The following ZBP1 variants were observed in gnomAD, a reference collection of about 807,000 sequenced individuals.
ZBP1 encodes the protein Z-DNA-binding protein 1.
Under a neutral mutation model 41.1 loss-of-function variants are expected in ZBP1, and 42 were observed. That is an observed-to-expected ratio of 1.02 (90% CI 0.80 to 1.32). The LOEUF (loss-of-function observed/expected upper bound fraction) is 1.32, where lower values mean the gene tolerates loss of function less well. Ranked by LOEUF, ZBP1 falls within the 40% of genes most tolerant of loss-of-function variation. ZBP1 has a pLI of 0.00. For missense variants in ZBP1, 562 were observed against 549.7 expected (o/e 1.02, Z -0.22); for synonymous variants, 214 against 205.2 (o/e 1.04, Z -0.37).
rs556956370 is a variant in ZBP1, at chr20:57,610,009, T to C, written c.1093+140A>G. 1 of 938,278 alleles carries C rather than the reference T, an allele frequency of 1.1e-6. No individual in the cohort carries two copies. The highest frequency in any genetic ancestry group is 1.6e-6 in the Non-Finnish European group (1 of 617,100). The allele number at this position is 938,278 out of a possible 1,614,324, so 58.1% of individuals were successfully genotyped here. ...TCCACGCTGACTCTAGAGCTGCTGCTCCTCGCTGTGGGTGGGCACAGCCTC... is the reference window on the plus strand; with the variant it reads ...TCCACGCTGACTCTAGAGCTGCTGCCCCTCGCTGTGGGTGGGCACAGCCTC... On this transcript the variant is annotated intron_variant, in intron 7 of 7. Coordinates refer to ENST00000371173, the MANE Select transcript of ZBP1 (RefSeq NM_030776.3). This position sits in a 1 kb window ranked among gnomAD's most constrained non-coding sequence, Gnocchi z 5.5.
In ZBP1 at chr20:57,604,305, G is replaced by A. The variant is rs142921547; in HGVS notation, c.*268C>T. On this transcript the variant is annotated 3_prime_UTR_variant, in exon 8 of 8. Transcript: ENST00000371173. ...TGGAGAGAGTCCCCTGGGCCTGGGG[G>A]ACCGAGCCCCACTCCCATCTACCCA... 2.0e-5 allele frequency: 12 copies of A among 611,968 alleles called. No individual in the cohort carries two copies. Among genetic ancestry groups the A allele is most frequent in the Non-Finnish European group, 3.1e-5 (10 of 327,672 alleles). The allele number at this position is 611,968 out of a possible 1,614,324, so 37.9% of individuals were successfully genotyped here.
Position 57,610,430 on chromosome 20 carries a change from A to AC in ZBP1, c.875-64dup. On this transcript the variant is annotated intron_variant, in intron 6 of 7. Transcript: ENST00000371173. This position sits in a 1 kb window ranked among gnomAD's most constrained non-coding sequence, Gnocchi z 5.5. The stretch of plus-strand genomic sequence containing the variant: ...AGCTGGACAGTGGCCGGGAACCCTG[A>AC]CCCCCAGCCTGGTTCACCCTCCTCC... 1 of 1,546,186 alleles carries AC rather than the reference A, an allele frequency of 6.5e-7. No individual in the cohort carries two copies. The highest frequency in any genetic ancestry group is 2.3e-5 in the East Asian group (1 of 43,544).
In ZBP1 at chr20:57,614,953, T is replaced by G; in HGVS notation, c.436A>C (p.Arg146=). The G allele has an allele frequency of 6.2e-7, 1 of 1,614,238 alleles. No individual in the cohort carries two copies. Among genetic ancestry groups the G allele is most frequent in the Non-Finnish European group, 8.5e-7 (1 of 1,180,044 alleles). Reference sequence around the variant, plus strand: ...TCCAGAAGGTGCCTGCTCTTCATCCTGTACAAGTCTCGGTTCACATCTTTT... The same window carrying G: ...TCCAGAAGGTGCCTGCTCTTCATCCGGTACAAGTCTCGGTTCACATCTTTT... ...TAKDVNRDLY[R]MKSRHLLDMD... The change falls in exon 4 of 8, where the codon AGG becomes CGG. Residue 146 remains arginine, a synonymous_variant. Coordinates refer to ENST00000371173, the MANE Select transcript of ZBP1 (RefSeq NM_030776.3).
chr20:57,607,823 T>C lies in ZBP1; in HGVS notation c.1093+2326A>G, dbSNP rs113735656. ...GGTTAGCATTTTTAGCAATAAAGTA[T>C]TTTAAAATTAAGGTATGTACATTGT... On this transcript the variant is annotated intron_variant, in intron 7 of 7. Coordinates refer to ENST00000371173, the MANE Select transcript of ZBP1 (RefSeq NM_030776.3). Among the ~76,000 whole-genome samples the C allele has an allele frequency of 2.6e-5, 4 of 152,304 alleles. 1 individual carries two copies. Among genetic ancestry groups the C allele is most frequent in the African/African-American group, 9.6e-5 (4 of 41,562 alleles).
chr20:57,608,126 C>CTT (rs2070542144), intron 7 of ZBP1, among the ~76,000 whole-genome samples: 2 of 130,180 alleles, frequency 1.5e-5, no homozygotes, highest in South Asian at 2.6e-4. Flanking sequence ...GGAGTGTGAC[C>CTT]ATTTTTTTTT....
chr20:57,614,199 T>C (rs947352396), intron 4 of ZBP1, among the ~76,000 whole-genome samples: 1 of 151,960 alleles, frequency 6.6e-6, no homozygotes, highest in Non-Finnish European at 1.5e-5. Context: ...CACACCTGGC[T>C]AATTTTTGTA....
rs367917872 is a variant in ZBP1, at chr20:57,610,397, C to T, written c.875-30G>A. 2 of 1,611,726 alleles carry T rather than the reference C, an allele frequency of 1.2e-6. No individual in the cohort carries two copies. The highest frequency in any genetic ancestry group is 1.3e-5 in the African/African-American group (1 of 74,972). ...GGGTCAAAGGGAGAGAGGCCTGGAG[C>T]CAGGAGCAGCTGGACAGTGGCCGGG... On this transcript the variant is annotated intron_variant, in intron 6 of 7. Transcript: ENST00000371173. This position sits in a 1 kb window ranked among gnomAD's most constrained non-coding sequence, Gnocchi z 5.5.
Position 57,616,372 on chromosome 20 carries a change from T to A in ZBP1, c.131A>T (p.Glu44Val). 6.2e-7 allele frequency: 1 copy of A among 1,614,132 alleles called. No homozygotes were observed. The highest frequency in any genetic ancestry group is 8.5e-7 in the Non-Finnish European group (1 of 1,180,004). Residue 44 changes from glutamate to valine, a missense_variant, in exon 2 of 8, where the codon GAG becomes GTG. Transcript: ENST00000371173. ...LVKECQAPKRELNQVLYRMKK... is the reference protein window; with the variant it reads ...LVKECQAPKRVLNQVLYRMKK... ...CATTCGGTAGAGGACTTGGTTGAGC[T>A]CCCTCTTGGGTGCTTGGCATTCCTT... is the stretch of plus-strand genomic sequence containing the variant.
intron 3 of ZBP1, 61 bp from the exon 4 acceptor site, chr20:57,615,121 G>A (rs772888535): frequency 1.4e-5 from 22 of 1,573,304 alleles, no homozygotes; most frequent in Non-Finnish European, 1.9e-5. Context: ...CTGCCCCACC[G>A]CTTCCTAGCT....
At position 57,610,529 on chromosome 20, in the gene ZBP1, A is replaced by ACAC. The variant is rs2070633844; in HGVS notation, c.875-165_875-163dup. On this transcript the variant is annotated intron_variant, in intron 6 of 7. Coordinates refer to ENST00000371173, the MANE Select transcript of ZBP1 (RefSeq NM_030776.3). The surrounding 1 kb of genome is among the most constrained non-coding windows in gnomAD (Gnocchi z 5.5). ...CCTGCCCGCCACACCTCCACCCGCC[A>ACAC]CACCTCCGCTCGTGCTGTTGTGCTG... 1.5e-6 allele frequency: 1 copy of ACAC among 674,126 alleles called. No individual in the cohort carries two copies. Among genetic ancestry groups the ACAC allele is most frequent in the Non-Finnish European group, 2.5e-6 (1 of 393,688 alleles). 41.8% of individuals were successfully genotyped at this position (674,126 alleles called of 1,614,324 possible).
In ZBP1 at chr20:57,613,186, C is replaced by G; in HGVS notation, c.647G>C (p.Arg216Thr). 6.2e-7 allele frequency: 1 copy of G among 1,614,194 alleles called. No homozygotes were observed. The highest frequency in any genetic ancestry group is 8.5e-7 in the Non-Finnish European group (1 of 1,180,038). Residue 216 changes from arginine to threonine, a missense_variant, in exon 5 of 8, where the codon AGA becomes ACA. Transcript: ENST00000371173. The surrounding 1 kb of genome is among the most constrained non-coding windows in gnomAD (Gnocchi z 4.5). ...IQIGHGNIIT[R>T]QTVSREDGSA... ...ACCGTCCTCCCTGGAGACTGTCTGT[C>G]TTGTAATGATGTTCCCGTGTCCAAT... is the stretch of plus-strand genomic sequence containing the variant.
intron 6 of ZBP1, among the ~76,000 whole-genome samples, chr20:57,611,411 A>ATTTTTTTTTTTT (rs3068061): frequency 2.1e-4 from 20 of 95,132 alleles, no homozygotes; most frequent in African/African-American, 3.3e-4. Context: ...TGCCCGGTTA[A>ATTTTTTTTTTTT]TTTTTTTTTT....
At position 57,615,539 on chromosome 20, in the gene ZBP1, G is replaced by A. The variant is rs1485660689; in HGVS notation, c.301C>T (p.Pro101Ser). ...CGTTGTTGGCTGAACTGAGGGCCAGGGGTCTCTGGAATTGTAGCTGCATGT... is the reference window on the plus strand; with the variant it reads ...CGTTGTTGGCTGAACTGAGGGCCAGAGGTCTCTGGAATTGTAGCTGCATGT... The part of the protein sequence containing the change: ...QQHAATIPET[P>S]GPQFSQQREE... Residue 101 changes from proline to serine, a missense_variant, in exon 3 of 8, where the codon CCT (proline) becomes TCT (serine). Physicochemically the swap from Pro to Ser is moderately conservative, Grantham distance 74 (BLOSUM62 -1). Coordinates refer to ENST00000371173, the MANE Select transcript of ZBP1 (RefSeq NM_030776.3). 1 of 1,613,336 alleles carries A rather than the reference G, an allele frequency of 6.2e-7. No individual in the cohort carries two copies. Among genetic ancestry groups the A allele is most frequent in the Non-Finnish European group, 8.5e-7 (1 of 1,179,774 alleles).
intron 7 of ZBP1, among the ~76,000 whole-genome samples, chr20:57,606,660 C>G (rs1028169619): frequency 1.3e-5 from 2 of 152,206 alleles, no homozygotes; most frequent in African/African-American, 4.8e-5. Flanking sequence ...GCTGAAGCCT[C>G]TCCTCAATTA....
rs559147964 is a variant in ZBP1 at position 57,604,911 on chromosome 20, G to A, written c.1094-142C>T. On this transcript the variant is annotated intron_variant, in intron 7 of 7. Coordinates refer to ENST00000371173, the MANE Select transcript of ZBP1 (RefSeq NM_030776.3). Reference sequence around the variant, plus strand: ...AGATTTGTACAAAGTCTTGAACAGGGAGCCCCACCTTTTCACTTTGCACTG... The same window carrying A: ...AGATTTGTACAAAGTCTTGAACAGGAAGCCCCACCTTTTCACTTTGCACTG... 78 of 802,488 alleles carry A rather than the reference G, an allele frequency of 9.7e-5. No homozygotes were observed. In the Middle Eastern group the frequency reaches 1.5e-3, roughly 16 times the overall value. 49.7% of individuals were successfully genotyped at this position (802,488 alleles called of 1,614,324 possible).
chr20:57,611,527 G>A (rs1015245252), intron 6 of ZBP1, among the ~76,000 whole-genome samples, 200 bp downstream of exon 6: 5 of 148,804 alleles, frequency 3.4e-5, no homozygotes, highest in African/African-American at 9.9e-5. Flanking sequence ...AAAGTGCTAC[G>A]ATTACAGGTG....
At chr20:57,606,857 G>A (rs547948527) in intron 7 of ZBP1, among the ~76,000 whole-genome samples, 11 of 152,072 alleles carry the variant, frequency 7.2e-5, no homozygotes, top group South Asian at 2.1e-4. Flanking sequence ...ACTGCTCATC[G>A]TCCATACCAC....
At position 57,612,397 on chromosome 20, in the gene ZBP1, T is replaced by C. The variant is rs114337469; in HGVS notation, c.671-467A>G. Among the ~76,000 whole-genome samples the C allele has an allele frequency of 4.4e-3, 670 of 152,318 alleles. 6 individuals are homozygous for C. The highest frequency in any genetic ancestry group is 0.015 in the African/African-American group (628 of 41,566). On this transcript the variant is annotated intron_variant, in intron 5 of 7. Coordinates refer to ENST00000371173, the MANE Select transcript of ZBP1 (RefSeq NM_030776.3). The stretch of plus-strand genomic sequence containing the variant: ...AAGGTGCACTACTCAACAACATTAA[T>C]TAAATAATCAGACATGGGTATGGCC...
chr20:57,620,419 G>T lies in ZBP1; in HGVS notation c.-124C>A. On this transcript the variant is annotated 5_prime_UTR_variant, in exon 1 of 8. Transcript: ENST00000371173. ...GAAGTGGCCGAGCCTGGTGCTTCTT[G>T]CAGCTCTGAACCCACAAGGGGAGGG... The T allele has an allele frequency of 9.3e-7, 1 of 1,081,052 alleles. No homozygotes were observed. Among genetic ancestry groups the T allele is most frequent in the Non-Finnish European group, 1.3e-6 (1 of 748,664 alleles). 67.0% of individuals were successfully genotyped at this position (1,081,052 alleles called of 1,614,324 possible).
Sources: gnomAD v4.1 joint callset for allele counts (sites outside exome capture counted in the v4.1 genomes callset) on GRCh38, gnomAD v4.1.1 for gene constraint, Gnocchi (gnomAD v3.1) non-coding constraint, MANE v1.5 for transcripts, NCBI Gene and HGNC (gene_info 2026-07-23, HGNC 2026-07-21) for gene names.